LRP1B: variants seen among roughly 807,000 people sequenced by gnomAD.
LRP1B encodes the protein LDL receptor related protein 1B, also known as low-density lipoprotein receptor-related protein 1B.
LRP1B carries 217 observed loss-of-function variants against 556.6 expected under a neutral mutation model. The ratio of observed to expected loss-of-function variants is 0.39; its 90% CI spans 0.35 to 0.44. The LOEUF (loss-of-function observed/expected upper bound fraction) is 0.44, where lower values mean the gene tolerates loss of function less well. LRP1B is among the 20% of genes least tolerant of loss of function. The pLI is 1.00. For missense variants in LRP1B, 5,053 were observed against 5,620.8 expected, an observed-to-expected ratio of 0.90 and a Z score of 3.23; for synonymous variants, 2,047 against 1,865.8, an observed-to-expected ratio of 1.10 and a Z score of -2.50.
intron 3 of LRP1B, among the ~76,000 whole-genome samples, chr2:141,356,472 C>T (rs958820521): frequency 5.3e-5 from 8 of 151,788 alleles, no homozygotes; most frequent in Admixed American, 4.6e-4. Flanking sequence ...GGCAAATACA[C>T]ACTACAGAGT....
Position 140,321,904 on chromosome 2 carries a change from G to T in LRP1B, c.12640+59C>A, listed in dbSNP as rs1680155545. 16 of 1,492,862 alleles carry T rather than the reference G, an allele frequency of 1.1e-5. 1 individual carries two copies. In the South Asian group the frequency reaches 1.9e-4, roughly 18 times the overall value. The allele number at this position is 1,492,862 out of a possible 1,614,324, so 92.5% of individuals were successfully genotyped here. On this transcript the variant is annotated intron_variant, in intron 82 of 90. Transcript: ENST00000389484. ...AGATAATTTCACTCCATTTCACGAGGTGTGAAATTTTATGATAAGGATTAA... is the reference window on the plus strand; with the variant it reads ...AGATAATTTCACTCCATTTCACGAGTTGTGAAATTTTATGATAAGGATTAA...
intron 60 of LRP1B, among the ~76,000 whole-genome samples, chr2:140,469,251 G>A (rs1264423907): frequency 6.6e-6 from 1 of 152,104 alleles, no homozygotes; most frequent in East Asian, 1.9e-4. Context: ...CTCGTAAATG[G>A]GAATGGTGCC....
chr2:140,818,483 G>A (rs1691204649), intron 31 of LRP1B, among the ~76,000 whole-genome samples: 1 of 152,082 alleles, frequency 6.6e-6, no homozygotes, highest in African/African-American at 2.4e-5. Flanking sequence ...CATCAGAAAT[G>A]GCATCACTAT....
At chr2:140,729,543 C>A (rs2105493991) in intron 35 of LRP1B, among the ~76,000 whole-genome samples, 2 of 152,190 alleles carry the variant, frequency 1.3e-5, no homozygotes, top group Admixed American at 6.5e-5. Context: ...AAAAAATACA[C>A]AATGATTCTT....
At chr2:141,148,135 A>C (rs1040462908) in intron 7 of LRP1B, among the ~76,000 whole-genome samples, 1 of 152,156 alleles carries the variant, frequency 6.6e-6, no homozygotes, top group Non-Finnish European at 1.5e-5. Context: ...GGCAATATCC[A>C]TTCAGGAATA....
chr2:140,573,169 A>G (rs1681393503), intron 43 of LRP1B, among the ~76,000 whole-genome samples: 1 of 151,910 alleles, frequency 6.6e-6, no homozygotes. Context: ...AACACAAAGA[A>G]AATGCAAATG....
intron 1 of LRP1B, among the ~76,000 whole-genome samples, chr2:141,918,559 CT>C (rs1228145774): frequency 6.6e-6 from 1 of 152,030 alleles, no homozygotes; most frequent in Non-Finnish European, 1.5e-5. Flanking sequence ...TAAAAATTCA[CT>C]CTTTGTGGAA....
At chr2:140,572,565 T>C (rs1187930807) in intron 43 of LRP1B, among the ~76,000 whole-genome samples, 1 of 151,598 alleles carries the variant, frequency 6.6e-6, no homozygotes, top group Non-Finnish European at 1.5e-5. Context: ...AAAAAAATAT[T>C]GAAGGGTCTC....
At chr2:140,399,143 C>T (rs116425170) in intron 66 of LRP1B, among the ~76,000 whole-genome samples, 3,069 of 137,588 alleles carry the variant, frequency 0.022, 35 homozygotes, top group African/African-American at 0.032. Flanking sequence ...TGCCTTATTA[C>T]TTAAAAAGAG....
chr2:140,948,220 A>G (rs1695599647), intron 20 of LRP1B, among the ~76,000 whole-genome samples: 1 of 152,210 alleles, frequency 6.6e-6, no homozygotes, highest in South Asian at 2.1e-4. Context: ...CACATTATGG[A>G]GTAGTGTCAG....
Position 140,505,095 on chromosome 2 carries a change from C to T in LRP1B, c.8521+1701G>A, listed in dbSNP as rs544863040. Among the ~76,000 whole-genome samples, 8 of 152,274 alleles carry T rather than the reference C, an allele frequency of 5.3e-5. No individual in the cohort carries two copies. The South Asian group carries it at 8.3e-4, about 16-fold the overall frequency. ...TAACAGAAGACTAATTGCTATTCCT[C>T]GACCATCTCAATTTACAGTCTTTGT... On this transcript the variant is annotated intron_variant, in intron 53 of 90. Transcript: ENST00000389484.
chr2:141,188,810 C>T (rs1161846029), intron 6 of LRP1B, among the ~76,000 whole-genome samples: 2 of 151,834 alleles, frequency 1.3e-5, no homozygotes, highest in Non-Finnish European at 2.9e-5. Flanking sequence ...TGAAGACGAC[C>T]TAGATACATG....
intron 1 of LRP1B, among the ~76,000 whole-genome samples, chr2:142,091,340 C>T (rs1706167047): frequency 1.3e-5 from 2 of 152,130 alleles, no homozygotes; most frequent in African/African-American, 4.8e-5. Flanking sequence ...CTGTTAGTGA[C>T]TCCTTTGAAT....
chr2:141,878,369 C>T (rs1698839179), intron 1 of LRP1B, among the ~76,000 whole-genome samples: 1 of 151,162 alleles, frequency 6.6e-6, no homozygotes, highest in Admixed American at 6.6e-5. Flanking sequence ...CAAAAAATAA[C>T]AACAACAACA....
At chr2:140,312,608 C>A (rs1684353055) in intron 83 of LRP1B, among the ~76,000 whole-genome samples, 1 of 151,874 alleles carries the variant, frequency 6.6e-6, no homozygotes, top group Non-Finnish European at 1.5e-5. Context: ...CTATGCTTTA[C>A]TCTGATTTCA....
chr2:140,541,561 G>T (rs1185626679), intron 44 of LRP1B, among the ~76,000 whole-genome samples: 1 of 151,976 alleles, frequency 6.6e-6, no homozygotes, highest in Non-Finnish European at 1.5e-5. Context: ...TATAGAAGTT[G>T]CCTTGAATAT....
At chr2:140,636,547 C>G (rs977721382) in intron 41 of LRP1B, among the ~76,000 whole-genome samples, 1 of 152,098 alleles carries the variant, frequency 6.6e-6, no homozygotes, top group Admixed American at 6.6e-5. Flanking sequence ...AAAGTTACAA[C>G]TTAAATCTCA....
At chr2:140,312,497 GTGT>G (rs1388619410) in intron 83 of LRP1B, among the ~76,000 whole-genome samples, 1 of 151,870 alleles carries the variant, frequency 6.6e-6, no homozygotes, top group Non-Finnish European at 1.5e-5. Flanking sequence ...TAAAGATTAA[GTGT>G]AAATATAGCT....
intron 3 of LRP1B, among the ~76,000 whole-genome samples, chr2:141,473,485 C>A (rs923926461): frequency 1.3e-5 from 2 of 152,130 alleles, no homozygotes; most frequent in Middle Eastern, 3.2e-3. Context: ...TGTTAAGGGT[C>A]ATAGCCTTTC....
Sources: gnomAD v4.1 joint callset for allele counts (sites outside exome capture counted in the v4.1 genomes callset) on GRCh38, gnomAD v4.1.1 for gene constraint, MANE v1.5 for transcripts, NCBI Gene and HGNC (gene_info 2026-07-23, HGNC 2026-07-21) for gene names.